ASXL1: variants seen among roughly 807,000 people sequenced by gnomAD.
The protein encoded by ASXL1 is polycomb group protein ASXL1.
Under a neutral mutation model 89.1 loss-of-function variants are expected in ASXL1, and 65 were observed. The observed-to-expected ratio is 0.73, with a 90% CI of 0.60 to 0.90. The LOEUF is 0.90. Ranked by LOEUF, ASXL1 falls within the 40% of genes least tolerant of loss-of-function variation. The pLI, the probability that ASXL1 is intolerant of heterozygous loss-of-function variation, is 0.00. For missense variants in ASXL1, 1,786 were observed against 1,942.9 expected, an observed-to-expected ratio of 0.92 and a Z score of 1.52; for synonymous variants, 739 against 746.9, an observed-to-expected ratio of 0.99 and a Z score of 0.17.
At chr20:32,376,126 A>G (rs2048373436) in intron 4 of ASXL1, among the ~76,000 whole-genome samples, 2 of 152,226 alleles carry the variant, frequency 1.3e-5, no homozygotes, top group Non-Finnish European at 1.5e-5. Context: ...AGGATTCAGC[A>G]GCAAAGGATG....
intron 4 of ASXL1, among the ~76,000 whole-genome samples, chr20:32,399,939 TGTA>T (rs2048844178): frequency 6.6e-6 from 1 of 151,950 alleles, no homozygotes; most frequent in South Asian, 2.1e-4. Flanking sequence ...TTTTTGTATT[TGTA>T]GTAGAGACGG....
chr20:32,401,938 A>G (rs966739877), intron 4 of ASXL1, among the ~76,000 whole-genome samples: 1 of 152,192 alleles, frequency 6.6e-6, no homozygotes, highest in African/African-American at 2.4e-5. Flanking sequence ...AATTATAACA[A>G]TATACTATAA....
intron 4 of ASXL1, among the ~76,000 whole-genome samples, chr20:32,425,633 C>CTT (rs1257186440): frequency 2.6e-5 from 4 of 152,154 alleles, no homozygotes; most frequent in African/African-American, 9.7e-5. Context: ...TCAGTATCCT[C>CTT]TTGTGCAGTG....
rs147768469 is a variant in ASXL1, at chr20:32,401,243, C to T, written c.253-26885C>T. On this transcript the variant is annotated intron_variant, in intron 4 of 12. Transcript: ENST00000375687. ...GAAGTTTTATCACGTGTATAGATTT[C>T]GTGTAATTATCACTAGTCAGGTTAT... 6.6e-5 allele frequency among the ~76,000 whole-genome samples: 10 copies of T among 152,220 alleles called. No homozygotes were observed. In the East Asian group the frequency reaches 1.2e-3, roughly 18 times the overall value.
At chr20:32,386,746 T>C (rs2048585476) in intron 4 of ASXL1, among the ~76,000 whole-genome samples, 1 of 151,048 alleles carries the variant, frequency 6.6e-6, no homozygotes, top group Non-Finnish European at 1.5e-5. Flanking sequence ...CGAAATCAAA[T>C]GCCATATTGA....
At position 32,386,189 on chromosome 20, in the gene ASXL1, A is replaced by C. The variant is rs577555424; in HGVS notation, c.252+17066A>C. Among the ~76,000 whole-genome samples, 17 of 152,322 alleles carry C rather than the reference A, an allele frequency of 1.1e-4. No homozygotes were observed. In the South Asian group the frequency reaches 3.5e-3, roughly 32 times the overall value. On this transcript the variant is annotated intron_variant, in intron 4 of 12. Transcript: ENST00000375687. ...CTAGGAGCTCTTATGGTAGGTATTC[A>C]ATAAATGTTTGTTGAATAAAGGCAG...
intron 4 of ASXL1, among the ~76,000 whole-genome samples, chr20:32,369,693 A>G (rs2048265852): frequency 6.7e-6 from 1 of 148,784 alleles, no homozygotes; most frequent in Non-Finnish European, 1.5e-5. Flanking sequence ...CTGAAGCATA[A>G]CTATGGGGAT....
Position 32,435,790 on chromosome 20 carries a change from A to G in ASXL1, c.3078A>G (p.Gly1026=). The part of the protein sequence containing the change: ...ADTREAAVTK[G]SSVDKDEKPN... ...CTAGAGAAGCTGCAGTGACAAAGGG[A>G]TCTTCGGTGGACAAGGATGAGAAAC... Residue 1026 remains glycine, a synonymous_variant, in exon 13 of 13, where the codon GGA becomes GGG. Coordinates refer to ENST00000375687, the MANE Select transcript of ASXL1 (RefSeq NM_015338.6). 1 of 1,614,214 alleles carries G rather than the reference A, an allele frequency of 6.2e-7. No individual in the cohort carries two copies. The highest frequency in any genetic ancestry group is 8.5e-7 in the Non-Finnish European group (1 of 1,180,042).
At position 32,435,880 on chromosome 20, in the gene ASXL1, A is replaced by G; in HGVS notation, c.3168A>G (p.Thr1056=). 1 of 1,614,256 alleles carries G rather than the reference A, an allele frequency of 6.2e-7. No homozygotes were observed. The highest frequency in any genetic ancestry group is 8.5e-7 in the Non-Finnish European group (1 of 1,180,042). The change falls in exon 13 of 13, where the codon ACA becomes ACG. Residue 1056 remains threonine (T), a synonymous_variant. Coordinates refer to ENST00000375687, the MANE Select transcript of ASXL1 (RefSeq NM_015338.6). ...VNGDMRLVTR[T]DGMVAPQSWV... ...GTGACATGCGTCTGGTTACAAGGACAGATGGGATGGTTGCTCCTCAGAGCT... is the reference window on the plus strand; with the variant it reads ...GTGACATGCGTCTGGTTACAAGGACGGATGGGATGGTTGCTCCTCAGAGCT...
intron 4 of ASXL1, among the ~76,000 whole-genome samples, chr20:32,426,647 C>T (rs1324681576): frequency 6.7e-6 from 1 of 148,740 alleles, no homozygotes; most frequent in East Asian, 2.0e-4. Flanking sequence ...GCATCCTCCA[C>T]CTCCTGGGTT....
chr20:32,382,607 A>AC (rs1366121189), intron 4 of ASXL1, among the ~76,000 whole-genome samples: 14 of 106,210 alleles, frequency 1.3e-4, no homozygotes, highest in Admixed American at 1.3e-3. Flanking sequence ...CCTCGTCTCT[A>AC]CAAAAAAAAA....
intron 4 of ASXL1, among the ~76,000 whole-genome samples, chr20:32,401,505 A>G (rs6087380): frequency 4.7e-5 from 7 of 149,278 alleles, no homozygotes; most frequent in Non-Finnish European, 1.0e-4. Flanking sequence ...GAAACCAGCT[A>G]TAGTACTGAA....
Position 32,429,548 on chromosome 20 carries a change from CAAGAGCCCTGCCAATGG to C in ASXL1, c.565+119_565+135del. 9.0e-7 allele frequency: 1 copy of C among 1,106,976 alleles called. No homozygotes were observed. Among genetic ancestry groups the C allele is most frequent in the Non-Finnish European group, 1.4e-6 (1 of 739,248 alleles). 68.6% of individuals were successfully genotyped at this position (1,106,976 alleles called of 1,614,324 possible). ...ACTAGGAGAGCTGTCGGGCCACAGG[CAAGAGCCCTGCCAATGG>C]ATGAGGCCTGCCATAGGTTCTAGTG... On this transcript the variant is annotated intron_variant, in intron 7 of 12. Transcript: ENST00000375687. The surrounding 1 kb of genome is among the most constrained non-coding windows in gnomAD (Gnocchi z 4.9).
Position 32,434,753 on chromosome 20 carries a change from C to T in ASXL1, c.2041C>T (p.Pro681Ser), listed in dbSNP as rs2011690504. ...ACGHPEPRGGPSTPGKCTSDL... is the reference protein window; with the variant it reads ...ACGHPEPRGGSSTPGKCTSDL... ...TGGCCACCCTGAGCCCAGGGGAGGC[C>T]CGAGCACCCCTGGAAAGTGTACGTC... is the stretch of plus-strand genomic sequence containing the variant. The change falls in exon 13 of 13, where the codon CCG becomes TCG. Residue 681 changes from proline to serine, a missense_variant. Pro to Ser is a moderately conservative substitution (Grantham distance 74). Coordinates refer to ENST00000375687, the MANE Select transcript of ASXL1 (RefSeq NM_015338.6). 1.9e-6 allele frequency: 3 copies of T among 1,613,288 alleles called. No individual in the cohort carries two copies. The highest frequency in any genetic ancestry group is 1.3e-5 in the African/African-American group (1 of 74,896).
At position 32,438,616 on chromosome 20, in the gene ASXL1, G is replaced by A. The variant is rs956843044; in HGVS notation, c.*1278G>A. 4.3e-6 allele frequency: 1 copy of A among 233,508 alleles called. No individual in the cohort carries two copies. Among genetic ancestry groups the A allele is most frequent in the African/African-American group, 2.2e-5 (1 of 45,314 alleles). 14.5% of individuals were successfully genotyped at this position (233,508 alleles called of 1,614,324 possible). A position where few individuals can be genotyped will look rare whatever the true frequency, so the allele number is the denominator to read the frequency against. ...ACATCTCTCCTCCTACAGCCTTAAT[G>A]GCTGCTTGCTGCCATATGTGACAAA... On this transcript the variant is annotated 3_prime_UTR_variant, in exon 13 of 13. Transcript: ENST00000375687.
intron 4 of ASXL1, among the ~76,000 whole-genome samples, chr20:32,426,003 C>T (rs2011271359): frequency 6.6e-6 from 1 of 152,198 alleles, no homozygotes; most frequent in Non-Finnish European, 1.5e-5. Flanking sequence ...CCATGCCCGG[C>T]CTGATTTATA....
At chr20:32,377,591 A>G (rs982100508) in intron 4 of ASXL1, among the ~76,000 whole-genome samples, 1 of 152,146 alleles carries the variant, frequency 6.6e-6, no homozygotes, top group African/African-American at 2.4e-5. Context: ...GATGGGGCCC[A>G]AGTCTAAACA....
intron 1 of ASXL1, among the ~76,000 whole-genome samples, chr20:32,362,432 C>T (rs1023784994): frequency 6.6e-6 from 1 of 152,026 alleles, no homozygotes; most frequent in Non-Finnish European, 1.5e-5. Context: ...GTCAGGAGAT[C>T]GAGACCATCC....
chr20:32,358,790 G>A lies in ASXL1; in HGVS notation c.15G>A (p.Gln5=). 6.9e-7 allele frequency: 1 copy of A among 1,458,888 alleles called. No homozygotes were observed. Among genetic ancestry groups the A allele is most frequent in the African/African-American group, 1.5e-5 (1 of 67,262 alleles). The allele number at this position is 1,458,888 out of a possible 1,614,324, so 90.4% of individuals were successfully genotyped here. The change falls in exon 1 of 13, where the codon CAG becomes CAA. Residue 5 remains glutamine (Q), a synonymous_variant. Coordinates refer to ENST00000375687, the MANE Select transcript of ASXL1 (RefSeq NM_015338.6). Reference sequence around the variant, plus strand: ...CGGGGAGAAGGATGAAGGACAAACAGAAGAAGAAGAAGGAGCGCACGTGGG... The same window carrying A: ...CGGGGAGAAGGATGAAGGACAAACAAAAGAAGAAGAAGGAGCGCACGTGGG... MKDK[Q]KKKKERTWAE...
Sources: allele counts gnomAD v4.1 joint callset (sites outside exome capture counted in the v4.1 genomes callset), GRCh38; gene constraint gnomAD v4.1.1; non-coding constraint Gnocchi (gnomAD v3.1); transcripts MANE v1.5; gene names NCBI Gene and HGNC (gene_info 2026-07-23, HGNC 2026-07-21).